NLRP2: variants seen among roughly 807,000 people sequenced by gnomAD.
NLRP2 encodes NACHT, LRR and PYD domains-containing protein 2.
A neutral mutation model predicts 97.2 loss-of-function variants in NLRP2; 107 were observed. The ratio of observed to expected loss-of-function variants is 1.10; its 90% CI spans 0.94 to 1.29. The LOEUF (loss-of-function observed/expected upper bound fraction) is 1.29. NLRP2 is among the 50% of genes most tolerant of loss of function. The probability of loss-of-function intolerance (pLI) is 0.00; values close to 1 mark genes in which losing one functional copy is unlikely to be tolerated. For synonymous variants in NLRP2, 663 were observed against 551.5 expected (o/e 1.20, Z -2.83); for missense variants, 1,495 against 1,330.3 (o/e 1.12, Z -1.93).
At chr19:54,998,097 C>T (rs1370757655) in intron 12 of NLRP2, among the ~76,000 whole-genome samples, 5 of 149,278 alleles carry the variant, frequency 3.3e-5, no homozygotes, top group African/African-American at 1.2e-4. Flanking sequence ...TTGCTAACTG[C>T]AACCTCCACC....
intron 5 of NLRP2, 75 bp from the exon 6 acceptor site, chr19:54,982,087 C>T: frequency 6.3e-7 from 1 of 1,587,054 alleles, no homozygotes. Flanking sequence ...CAACACAAGG[C>T]ATTTTGTTAT....
chr19:54,978,510 G>A (rs577199399), intron 4 of NLRP2, among the ~76,000 whole-genome samples: 37 of 152,182 alleles, frequency 2.4e-4, no homozygotes, highest in Non-Finnish European at 2.6e-4. Context: ...CTCCCGAAGT[G>A]CTGGGATTAC....
At chr19:54,981,509 G>GCCCAC in intron 4 of NLRP2, 108 bp from the exon 5 acceptor site, 2 of 386,504 alleles carry the variant, frequency 5.2e-6, no homozygotes, top group Non-Finnish European at 1.1e-5. Context: ...CTGATCCCGT[G>GCCCAC]CCCCCCCTCC....
Position 54,982,948 on chromosome 19 carries a change from A to G in NLRP2, c.1250A>G (p.Asp417Gly). 9 of 1,611,878 alleles carry G rather than the reference A, an allele frequency of 5.6e-6. No homozygotes were observed. The highest frequency in any genetic ancestry group is 7.6e-6 in the Non-Finnish European group (9 of 1,179,870). The change falls in exon 6 of 13, where the codon GAC (aspartate) becomes GGC (glycine). Residue 417 changes from aspartate to glycine, a missense_variant. By Grantham distance (94) the Asp-to-Gly change is moderately conservative. Transcript: ENST00000448584. ...TLKLQMEKGE[D>G]PVPTCLTRTG... ...AAGCTGCAGATGGAGAAGGGGGAGG[A>G]CCCGGTCCCCACCTGCCTCACCCGC...
At chr19:54,998,014 GTTTTTTCTTTCTTTTTT>G (rs1240062767) in intron 12 of NLRP2, among the ~76,000 whole-genome samples, 2 of 137,536 alleles carry the variant, frequency 1.5e-5, no homozygotes, top group Admixed American at 1.5e-4. Context: ...GTTTTGTTTT[GTTTTTTCTTTCTTTTTT>G]TTTTTTTTTT....
chr19:54,982,184 T>G lies in NLRP2; in HGVS notation c.486T>G (p.Tyr162Ter). The G allele has an allele frequency of 2.5e-6, 4 of 1,614,138 alleles. No homozygotes were observed. Among genetic ancestry groups the G allele is most frequent in the Non-Finnish European group, 3.4e-6 (4 of 1,180,044 alleles). ...KKPDKDNRCR[Y>*]ILKTKFREMW... Reference sequence around the variant, plus strand: ...AAGACAAAGACAATAGGTGCAGGTATATATTGAAGACGAAGTTCCGGGAGA... The same window carrying G: ...AAGACAAAGACAATAGGTGCAGGTAGATATTGAAGACGAAGTTCCGGGAGA... The change falls in exon 6 of 13, where the codon TAT (tyrosine) becomes TAG (stop). Residue 162 changes from tyrosine to a stop codon, truncating the protein, a stop_gained. Coordinates refer to ENST00000448584, the MANE Select transcript of NLRP2 (RefSeq NM_017852.5). LOFTEE classifies it high-confidence loss of function.
At chr19:54,984,950 G>A in intron 6 of NLRP2, 97 bp from the exon 7 acceptor site, 1 of 1,127,496 alleles carries the variant, frequency 8.9e-7, no homozygotes, top group Non-Finnish European at 1.3e-6. Context: ...GCTTTCAATT[G>A]TACTCATTTG....
At position 54,983,445 on chromosome 19, in the gene NLRP2, C is replaced by T; in HGVS notation, c.1747C>T (p.Gln583Ter). The change falls in exon 6 of 13, where the codon CAG becomes TAG. Residue 583 changes from glutamine to a stop codon, truncating the protein, a stop_gained. Coordinates refer to ENST00000448584, the MANE Select transcript of NLRP2 (RefSeq NM_017852.5). LOFTEE classifies it high-confidence loss of function. Reference protein sequence around the residue: ...FGCRMSPDIKQELLRCDISCK... With the variant: ...FGCRMSPDIK ...CTGCCGGATGTCACCGGACATCAAA[C>T]AGGAATTGCTGCGATGCGACATAAG... The T allele has an allele frequency of 6.2e-7, 1 of 1,614,204 alleles. No individual in the cohort carries two copies. The highest frequency in any genetic ancestry group is 2.2e-5 in the East Asian group (1 of 44,880).
chr19:54,982,964 C>T lies in NLRP2; in HGVS notation c.1266C>T (p.Cys422=), dbSNP rs762418467. The T allele has an allele frequency of 6.2e-7, 1 of 1,611,998 alleles. No individual in the cohort carries two copies. Among genetic ancestry groups the T allele is most frequent in the Admixed American group, 1.7e-5 (1 of 59,944 alleles). The change falls in exon 6 of 13, where the codon TGC becomes TGT. Residue 422 remains cysteine (C), a synonymous_variant. Coordinates refer to ENST00000448584, the MANE Select transcript of NLRP2 (RefSeq NM_017852.5). The part of the protein sequence containing the change: ...MEKGEDPVPT[C]LTRTGLFLRF... Reference sequence around the variant, plus strand: ...AGGGGGAGGACCCGGTCCCCACCTGCCTCACCCGCACGGGGCTGTTCCTGC... The same window carrying T: ...AGGGGGAGGACCCGGTCCCCACCTGTCTCACCCGCACGGGGCTGTTCCTGC...
rs191580763 is a variant in NLRP2, at chr19:54,997,915, C to T, written c.3050+428C>T. Among the ~76,000 whole-genome samples, 3 of 152,066 alleles carry T rather than the reference C, an allele frequency of 2.0e-5. No homozygotes were observed. The East Asian group carries it at 5.8e-4, about 29-fold the overall frequency. On this transcript the variant is annotated intron_variant, in intron 12 of 12. Transcript: ENST00000448584. Reference sequence around the variant, plus strand: ...GTAGGTTTATAAGCATGAACCATTGCACCCAGCCACGGCTGCCGTCTACCT... The same window carrying T: ...GTAGGTTTATAAGCATGAACCATTGTACCCAGCCACGGCTGCCGTCTACCT...
rs762344806 is a variant in NLRP2 at position 54,990,264 on chromosome 19, G to T, written c.2537+72G>T. 1.3e-5 allele frequency: 19 copies of T among 1,506,164 alleles called. No homozygotes were observed. In the East Asian group the frequency reaches 4.3e-4, roughly 34 times the overall value. 93.3% of individuals were successfully genotyped at this position (1,506,164 alleles called of 1,614,324 possible). The stretch of plus-strand genomic sequence containing the variant: ...CCACAGACGAGCAATGGTCATGCCT[G>T]ACTTGGCTGTATGGAACCTCTCGCT... On this transcript the variant is annotated intron_variant, in intron 9 of 12. Coordinates refer to ENST00000448584, the MANE Select transcript of NLRP2 (RefSeq NM_017852.5).
At chr19:54,989,757 G>GC (rs2072332541) in intron 8 of NLRP2, 1 of 556,536 alleles carries the variant, frequency 1.8e-6, no homozygotes, top group Non-Finnish European at 3.2e-6. Flanking sequence ...GCCGAGGTGG[G>GC]CAGATCACCT....
At chr19:54,997,194 C>T (rs74746021) in intron 11 of NLRP2, 123 bp from the exon 12 acceptor site, 61,326 of 999,982 alleles carry the variant, frequency 0.061, 2,234 homozygotes, top group South Asian at 0.11. Context: ...CGTGAACCAC[C>T]GTGCCCGGCC....
At chr19:54,976,746 C>T (rs939335870) in intron 3 of NLRP2, 2 of 427,254 alleles carry the variant, frequency 4.7e-6, no homozygotes, top group African/African-American at 2.1e-5. Context: ...GTTCCATGGA[C>T]TCACCTCTTC....
intron 2 of NLRP2, among the ~76,000 whole-genome samples, chr19:54,971,995 AT>A (rs61335843): frequency 0.45 from 52,314 of 115,696 alleles, 10,104 homozygotes; most frequent in East Asian, 0.54. Context: ...TGCCTGGCTG[AT>A]TTTTTTTTTT....
rs2071038942 is a variant in NLRP2, at chr19:54,974,031, C to CT, written c.281-469_281-468insT. 4.7e-6 allele frequency: 6 copies of CT among 1,265,690 alleles called. No homozygotes were observed. The South Asian group carries it at 5.9e-5, about 12-fold the overall frequency. 78.4% of individuals were successfully genotyped at this position (1,265,690 alleles called of 1,614,324 possible). The stretch of plus-strand genomic sequence containing the variant: ...GTGCTAAGGCTTGAGTGCCTTGAGC[C>CT]CAACTGCAGATCTAAGAATGCTGGC... On this transcript the variant is annotated intron_variant, in intron 2 of 12. Coordinates refer to ENST00000448584, the MANE Select transcript of NLRP2 (RefSeq NM_017852.5).
At chr19:54,984,483 A>ATTTTTTTTTTTTTTTTTTTT (rs1568505832) in intron 6 of NLRP2, among the ~76,000 whole-genome samples, 3 of 46,192 alleles carry the variant, frequency 6.5e-5, no homozygotes, top group African/African-American at 3.9e-4. Context: ...TATATTCCCA[A>ATTTTTTTTTTTTTTTTTTTT]TCTTTTTTTT....
At position 54,997,337 on chromosome 19, in the gene NLRP2, C is replaced by T; in HGVS notation, c.2900C>T (p.Pro967Leu). ...RCLWLWGCSI[P>L]PFSCEDLCSA... ...CCCAGGTTGTGGGGATGTTCCATCC[C>T]TCCGTTCAGTTGTGAAGACCTCTGC... The change falls in exon 12 of 13, where the codon CCT becomes CTT. Residue 967 changes from proline (P) to leucine (L), a missense_variant. By Grantham distance (98) the Pro-to-Leu change is moderately conservative. Transcript: ENST00000448584. 1 of 1,613,880 alleles carries T rather than the reference C, an allele frequency of 6.2e-7. No homozygotes were observed.
At chr19:54,965,465 T>A (rs2146303666), upstream of NLRP2, 2 of 100,390 alleles carry the variant, frequency 2.0e-5, 1 homozygote, top group East Asian at 5.9e-4. Flanking sequence ...TTTCATATAT[T>A]TTTTTTCTGA....
Sources: gnomAD v4.1 joint callset for allele counts (sites outside exome capture counted in the v4.1 genomes callset) on GRCh38, gnomAD v4.1.1 for gene constraint, MANE v1.5 for transcripts, NCBI Gene and HGNC (gene_info 2026-07-23, HGNC 2026-07-21) for gene names.